The following IWS1 variants were observed in gnomAD, a reference collection of about 807,000 sequenced individuals.
IWS1 encodes protein IWS1 homolog.
Under a neutral mutation model 86.7 loss-of-function variants are expected in IWS1, and 27 were observed. The observed-to-expected ratio is 0.31, with a 90% confidence interval of 0.23 to 0.43. IWS1 has a LOEUF of 0.43. IWS1 is among the 20% of genes least tolerant of loss of function. IWS1 has a pLI of 1.00. For missense variants in IWS1, 827 were observed against 1,000.8 expected, an observed-to-expected ratio of 0.83 and a Z score of 2.34; for synonymous variants, 313 against 335.1, an observed-to-expected ratio of 0.93 and a Z score of 0.72.
chr2:127,526,623 TTTAG>T (rs1558778022), upstream of IWS1: 5 of 1,343,054 alleles, frequency 3.7e-6, 1 homozygote, highest in South Asian at 6.1e-5. Context: ...GAACTCGGGC[TTTAG>T]TTAAATACCT....
At chr2:127,514,367 T>C (rs1434159279) in intron 2 of IWS1, 1 of 154,484 alleles carries the variant, frequency 6.5e-6, no homozygotes, top group African/African-American at 2.4e-5. Context: ...TGTCTAACAC[T>C]GTACCCCTCC....
rs1220621630 is a variant in IWS1 at position 127,489,446 on chromosome 2, T to C, written c.2160-211A>G. 1 of 566,162 alleles carries C rather than the reference T, an allele frequency of 1.8e-6. No homozygotes were observed. Among genetic ancestry groups the C allele is most frequent in the Non-Finnish European group, 3.2e-6 (1 of 317,372 alleles). The allele number at this position is 566,162 out of a possible 1,614,324, so 35.1% of individuals were successfully genotyped here. ...TTGTGGATGAGCCGTAATTGCCACA[T>C]TTGTAACTAATGACCCTGTCCTCCT... On this transcript the variant is annotated intron_variant, in intron 11 of 13. Coordinates refer to ENST00000295321, the MANE Select transcript of IWS1 (RefSeq NM_017969.3). The surrounding 1 kb of genome is among the most constrained non-coding windows in gnomAD (Gnocchi z 4.8).
chr2:127,485,053 A>T (rs927839155), intron 13 of IWS1, among the ~76,000 whole-genome samples: 2 of 152,112 alleles, frequency 1.3e-5, no homozygotes, highest in Non-Finnish European at 2.9e-5. Flanking sequence ...AGAAACAGGT[A>T]CAGGGGACAT....
intron 2 of IWS1, among the ~76,000 whole-genome samples, chr2:127,515,497 G>A (rs1281412918): frequency 3.9e-5 from 6 of 152,128 alleles, no homozygotes; most frequent in South Asian, 2.1e-4. Flanking sequence ...TACAGATTGC[G>A]CTAACAGACA....
intron 13 of IWS1, chr2:127,482,945 AG>A (rs1407975071): frequency 6.6e-6 from 1 of 152,250 alleles, no homozygotes; most frequent in Non-Finnish European, 1.5e-5. Context: ...AAACCACTCA[AG>A]AATGCTCACT....
At chr2:127,481,443 G>GA in intron 13 of IWS1, among the ~76,000 whole-genome samples, 1 of 148,526 alleles carries the variant, frequency 6.7e-6, no homozygotes, top group African/African-American at 2.6e-5. Flanking sequence ...ATGGGAGAAA[G>GA]GGGGGGGGAA....
At chr2:127,486,854 C>A (rs751144052) in intron 12 of IWS1, among the ~76,000 whole-genome samples, 190 bp from the exon 13 acceptor site, 1 of 152,230 alleles carries the variant, frequency 6.6e-6, no homozygotes, top group Non-Finnish European at 1.5e-5. Flanking sequence ...ACACACACTA[C>A]AGTATGCATT....
chr2:127,519,473 TTGTG>T (rs113667162), intron 2 of IWS1, among the ~76,000 whole-genome samples: 6 of 149,956 alleles, frequency 4.0e-5, no homozygotes, highest in South Asian at 2.1e-4. Context: ...ATCTTAAAGA[TTGTG>T]TGTGTGTGTG....
chr2:127,494,291 A>G (rs1342751535), intron 8 of IWS1: 1 of 151,444 alleles, frequency 6.6e-6, no homozygotes, highest in South Asian at 2.1e-4. Context: ...AAAGTTAGAA[A>G]CAAGGATCTA....
In IWS1 at chr2:127,503,588, G is replaced by T; in HGVS notation, c.1220-12C>A. On this transcript the variant is annotated splice_polypyrimidine_tract_variant and intron_variant, in intron 3 of 13. Coordinates refer to ENST00000295321, the MANE Select transcript of IWS1 (RefSeq NM_017969.3). ...ACTCTTCTTTGCTGCTGTTGAAAAA[G>T]AAAATCATCATTAATTTTATTTTAT... 6.5e-7 allele frequency: 1 copy of T among 1,549,694 alleles called. No homozygotes were observed. Among genetic ancestry groups the T allele is most frequent in the East Asian group, 2.3e-5 (1 of 43,636 alleles).
intron 2 of IWS1, among the ~76,000 whole-genome samples, chr2:127,517,848 A>C (rs989087031): frequency 6.6e-6 from 1 of 152,232 alleles, no homozygotes; most frequent in African/African-American, 2.4e-5. Flanking sequence ...GATAAGCAAA[A>C]TATAGTATAT....
At chr2:127,516,096 A>G (rs553066428) in intron 2 of IWS1, among the ~76,000 whole-genome samples, 1 of 152,316 alleles carries the variant, frequency 6.6e-6, no homozygotes, top group African/African-American at 2.4e-5. Flanking sequence ...AAAGGATTTC[A>G]GGTTACTAAC....
chr2:127,505,783 A>G lies in IWS1; in HGVS notation c.151-31T>C, dbSNP rs1208704397. 1.5e-6 allele frequency: 2 copies of G among 1,318,310 alleles called. No homozygotes were observed. The highest frequency in any genetic ancestry group is 2.4e-5 in the Admixed American group (1 of 41,254). 81.7% of individuals were successfully genotyped at this position (1,318,310 alleles called of 1,614,324 possible). On this transcript the variant is annotated intron_variant, in intron 2 of 13. Coordinates refer to ENST00000295321, the MANE Select transcript of IWS1 (RefSeq NM_017969.3). This position sits in a 1 kb window ranked among gnomAD's most constrained non-coding sequence, Gnocchi z 5.0. The stretch of plus-strand genomic sequence containing the variant: ...AAATAAAGTGAGAAAAAATTAGGAA[A>G]GTGCAAAAAAAAAAAAACCATTAAT...
At chr2:127,522,631 C>T (rs1230884063) in intron 2 of IWS1, among the ~76,000 whole-genome samples, 2 of 152,310 alleles carry the variant, frequency 1.3e-5, no homozygotes, top group East Asian at 3.9e-4. Flanking sequence ...ATCACACCTA[C>T]TAAAAATTGG....
chr2:127,503,705 T>TAAATAAATAAAA (rs1442102696), intron 3 of IWS1, 129 bp from the exon 4 acceptor site: 2 of 298,718 alleles, frequency 6.7e-6, no homozygotes, highest in African/African-American at 4.9e-5. Context: ...AATAAATAAA[T>TAAATAAATAAAA]AAAATAAAAT....
chr2:127,524,472 G>A (rs1230282141), intron 1 of IWS1, among the ~76,000 whole-genome samples: 3 of 150,782 alleles, frequency 2.0e-5, no homozygotes, highest in African/African-American at 7.3e-5. Flanking sequence ...ATTACACCCA[G>A]CCCCAATACT....
intron 10 of IWS1, among the ~76,000 whole-genome samples, chr2:127,490,310 A>G (rs1220848370): frequency 6.6e-6 from 1 of 152,244 alleles, no homozygotes; most frequent in East Asian, 1.9e-4. Context: ...GGAAATAAAA[A>G]AGTCTTGAAA....
chr2:127,515,649 T>C (rs1691728962), intron 2 of IWS1, among the ~76,000 whole-genome samples: 2 of 152,024 alleles, frequency 1.3e-5, no homozygotes, highest in South Asian at 2.1e-4. Context: ...CCAGTGAAAA[T>C]TATTAAAAAC....
chr2:127,491,967 A>C lies in IWS1; in HGVS notation c.2047+4T>G, dbSNP rs769302234. 1 of 1,563,194 alleles carries C rather than the reference A, an allele frequency of 6.4e-7. No individual in the cohort carries two copies. Among genetic ancestry groups the C allele is most frequent in the Non-Finnish European group, 8.8e-7 (1 of 1,133,684 alleles). On this transcript the variant is annotated splice_donor_region_variant and intron_variant, in intron 10 of 13. Coordinates refer to ENST00000295321, the MANE Select transcript of IWS1 (RefSeq NM_017969.3). ...ACAACAAACAAAAAGGAAAATTTACATACTGATTAATTTCCCTGCCATGTC... is the reference window on the plus strand; with the variant it reads ...ACAACAAACAAAAAGGAAAATTTACCTACTGATTAATTTCCCTGCCATGTC...
Sources: gnomAD v4.1 joint callset for allele counts (sites outside exome capture counted in the v4.1 genomes callset) on GRCh38, gnomAD v4.1.1 for gene constraint, Gnocchi (gnomAD v3.1) non-coding constraint, MANE v1.5 for transcripts, NCBI Gene and HGNC (gene_info 2026-07-23, HGNC 2026-07-21) for gene names.